Variants in C10orf67 observed in about 807,000 individuals in gnomAD.
C10orf67 encodes uncharacterized protein C10orf67, mitochondrial.
Under a neutral mutation model 35.6 loss-of-function variants are expected in C10orf67, and 60 were observed. The ratio of observed to expected loss-of-function variants is 1.68; its 90% CI spans 1.37 to 2.09. The LOEUF is 2.09. C10orf67 is among the 30% of genes most tolerant of loss of function. The pLI is 0.00. For synonymous variants in C10orf67, 167 were observed against 115.8 expected (o/e 1.44, Z -2.84); for missense variants, 474 against 330.2 (o/e 1.44, Z -3.38).
chr10:23,328,028 T>C (rs1845265467), intron 2 of C10orf67, among the ~76,000 whole-genome samples: 1 of 152,178 alleles, frequency 6.6e-6, no homozygotes, highest in Non-Finnish European at 1.5e-5. Context: ...ACTTTCTTAT[T>C]ATACAGTTGA....
Position 23,323,894 on chromosome 10 carries a change from AATATATATATATATATATATATATAT to A in C10orf67, c.328-1383_328-1358del, listed in dbSNP as rs137983793. 2.1e-3 allele frequency among the ~76,000 whole-genome samples: 92 copies of A among 42,810 alleles called. 6 individuals are homozygous for A. Among genetic ancestry groups the A allele is most frequent in the Middle Eastern group, 0.01 (1 of 100 alleles). The allele number at this position is 42,810 out of a possible 152,430, so 28.1% of individuals were successfully genotyped here. A position where few individuals can be genotyped will look rare whatever the true frequency, so the allele number is the denominator to read the frequency against. ...GGGCAGCAGAGCAAGACTCCGTCTA[AATATATATATATATATATATATATAT>A]ATATATATATATATATATATATATA... is the stretch of plus-strand genomic sequence containing the variant. On this transcript the variant is annotated intron_variant, in intron 2 of 15. Transcript: ENST00000636213.
At chr10:23,320,875 T>C in intron 3 of C10orf67, 60 bp from the exon 4 acceptor site, 2 of 1,124,154 alleles carry the variant, frequency 1.8e-6, no homozygotes, top group African/African-American at 3.1e-5. Context: ...GACCCACACC[T>C]ACTAGGGAGG....
chr10:23,250,126 T>C (rs1842411331), intron 12 of C10orf67, among the ~76,000 whole-genome samples: 1 of 152,176 alleles, frequency 6.6e-6, no homozygotes, highest in South Asian at 2.1e-4. Context: ...TTATATATCA[T>C]TGTGTGCAAA....
intron 4 of C10orf67, among the ~76,000 whole-genome samples, chr10:23,306,928 C>G (rs768949855): frequency 2.8e-4 from 43 of 152,138 alleles, no homozygotes; most frequent in Non-Finnish European, 4.9e-4. Flanking sequence ...AAATTGACAT[C>G]ACGATTTGTG....
At chr10:23,288,479 G>T (rs1707982567) in intron 7 of C10orf67, among the ~76,000 whole-genome samples, 2 of 152,150 alleles carry the variant, frequency 1.3e-5, no homozygotes, top group Admixed American at 6.5e-5. Flanking sequence ...GGGGGCTGGG[G>T]GGTGAGCAGA....
At chr10:23,314,049 A>C (rs990012247) in intron 4 of C10orf67, among the ~76,000 whole-genome samples, 1 of 152,194 alleles carries the variant, frequency 6.6e-6, no homozygotes. Flanking sequence ...ATGGTCAGGC[A>C]TGGTGGCTCA....
chr10:23,251,873 T>C (rs1785542667), intron 10 of C10orf67, among the ~76,000 whole-genome samples: 1 of 152,214 alleles, frequency 6.6e-6, no homozygotes, highest in Non-Finnish European at 1.5e-5. Context: ...TTTCTGCAGC[T>C]TTGAGAAAGA....
At chr10:23,272,057 C>T (rs920911786) in intron 8 of C10orf67, among the ~76,000 whole-genome samples, 1 of 152,160 alleles carries the variant, frequency 6.6e-6, no homozygotes, top group African/African-American at 2.4e-5. Flanking sequence ...TCTGAGACTA[C>T]AGGTGCATGC....
intron 10 of C10orf67, among the ~76,000 whole-genome samples, chr10:23,257,012 G>C (rs1220180489): frequency 6.6e-6 from 1 of 152,206 alleles, no homozygotes; most frequent in Non-Finnish European, 1.5e-5. Context: ...ATGGGCAGCA[G>C]AGTCTCTTGC....
At chr10:23,322,620 A>G in intron 2 of C10orf67, 83 bp from the exon 3 acceptor site, 1 of 881,352 alleles carries the variant, frequency 1.1e-6, no homozygotes, top group Non-Finnish European at 1.7e-6. Flanking sequence ...GCTAAGTGGG[A>G]GCAAAATGAT....
At chr10:23,236,253 G>GAAAAAAAAAAAA (rs368833212) in intron 13 of C10orf67, among the ~76,000 whole-genome samples, 2 of 75,798 alleles carry the variant, frequency 2.6e-5, no homozygotes, top group African/African-American at 1.2e-4. Context: ...CCTCTCGGGG[G>GAAAAAAAAAAAA]AAAAAAAAAA....
chr10:23,303,084 T>C (rs1005538190), intron 5 of C10orf67, among the ~76,000 whole-genome samples: 9 of 152,208 alleles, frequency 5.9e-5, no homozygotes, highest in African/African-American at 2.2e-4. Context: ...AATTGTATTT[T>C]TAATTTTATT....
intron 10 of C10orf67, among the ~76,000 whole-genome samples, chr10:23,265,215 T>C (rs1459214515): frequency 1.3e-5 from 2 of 152,264 alleles, no homozygotes; most frequent in Non-Finnish European, 2.9e-5. Context: ...GGCCTTGCTC[T>C]ACTTGCTCCC....
intron 8 of C10orf67, among the ~76,000 whole-genome samples, chr10:23,269,627 C>T (rs1842967386): frequency 6.6e-6 from 1 of 151,970 alleles, no homozygotes; most frequent in South Asian, 2.1e-4. Flanking sequence ...GCAAGCTCAA[C>T]TATTTACTGT....
At chr10:23,264,402 C>T (rs1278508601) in intron 10 of C10orf67, among the ~76,000 whole-genome samples, 1 of 152,136 alleles carries the variant, frequency 6.6e-6, no homozygotes, top group African/African-American at 2.4e-5. Flanking sequence ...CCAATTTTGA[C>T]TTATTGTTAT....
At chr10:23,260,512 A>T (rs116931179) in intron 10 of C10orf67, among the ~76,000 whole-genome samples, 1 of 152,324 alleles carries the variant, frequency 6.6e-6, no homozygotes, top group East Asian at 1.9e-4. Flanking sequence ...GTTACATGAA[A>T]ATATATTAAA....
chr10:23,282,154 G>C, intron 7 of C10orf67, 76 bp from the exon 8 acceptor site: 3 of 410,452 alleles, frequency 7.3e-6, no homozygotes, highest in East Asian at 3.7e-5. Context: ...AGAAAATTTA[G>C]TGAAACATAT....
chr10:23,229,821 T>A (rs1305323743), intron 13 of C10orf67, among the ~76,000 whole-genome samples: 1 of 152,166 alleles, frequency 6.6e-6, no homozygotes. Context: ...TATAAAACTC[T>A]ATTGAAATAA....
chr10:23,337,059 A>T (rs749923948), intron 1 of C10orf67, among the ~76,000 whole-genome samples: 2 of 152,230 alleles, frequency 1.3e-5, no homozygotes. Context: ...TTAAGCATCA[A>T]AATAAATAAT....
Sources: allele counts gnomAD v4.1 joint callset (sites outside exome capture counted in the v4.1 genomes callset), GRCh38; gene constraint gnomAD v4.1.1; transcripts MANE v1.5; gene names NCBI Gene and HGNC (gene_info 2026-07-23, HGNC 2026-07-21).